Variants in GORASP1 observed in about 807,000 individuals in gnomAD.
GORASP1 encodes Golgi reassembly-stacking protein 1.
GORASP1 carries 31 observed loss-of-function variants against 37.7 expected under a neutral mutation model. The ratio of observed to expected loss-of-function variants is 0.82; its 90% CI spans 0.62 to 1.11. GORASP1 has a LOEUF of 1.11. Ranked by LOEUF, GORASP1 falls within the 50% of genes least tolerant of loss-of-function variation. The pLI is 0.00. For synonymous variants in GORASP1, 204 were observed against 224.8 expected (o/e 0.91, Z 0.83); for missense variants, 476 against 560.7 (o/e 0.85, Z 1.53).
Position 39,107,578 on chromosome 3 carries a change from C to A in GORASP1, c.-37G>T, listed in dbSNP as rs2125720074. 6.7e-7 allele frequency: 1 copy of A among 1,482,688 alleles called. No individual in the cohort carries two copies. The highest frequency in any genetic ancestry group is 1.3e-5 in the South Asian group (1 of 76,222). The allele number at this position is 1,482,688 out of a possible 1,614,324, so 91.8% of individuals were successfully genotyped here. ...CGCTCGGCACCCAGGTCCAGTCCCGCTGCGCCTACCCGGACCGACCCGACG... is the reference window on the plus strand; with the variant it reads ...CGCTCGGCACCCAGGTCCAGTCCCGATGCGCCTACCCGGACCGACCCGACG... On this transcript the variant is annotated 5_prime_UTR_variant, in exon 1 of 9. Transcript: ENST00000319283.
In GORASP1 at chr3:39,100,748, T is replaced by C; in HGVS notation, c.565A>G (p.Ser189Gly). The C allele has an allele frequency of 6.2e-7, 1 of 1,613,628 alleles. No individual in the cohort carries two copies. The highest frequency in any genetic ancestry group is 8.5e-7 in the Non-Finnish European group (1 of 1,179,968). ...TPNAAWGGEG[S>G]LGCGIGYGYL... ...CAGCCCTCCAACCCCACGAAGTACC[T>C]GCCCTCTCCACCCCAGGCTGCGTTG... Residue 189 changes from serine to glycine, a missense_variant and splice_region_variant, in exon 5 of 9, where the codon AGT (serine) becomes GGT (glycine). Ser to Gly is a moderately conservative substitution (Grantham distance 56). Transcript: ENST00000319283. This position sits in a 1 kb window ranked among gnomAD's most constrained non-coding sequence, Gnocchi z 4.6.
At chr3:39,099,646 A>C in intron 6 of GORASP1, 143 bp from the exon 7 acceptor site, 1 of 902,232 alleles carries the variant, frequency 1.1e-6, no homozygotes, top group African/African-American at 1.7e-5. Flanking sequence ...TTAATAAACC[A>C]CCCCTTCTTC....
chr3:39,099,959 T>C (rs975221355), intron 6 of GORASP1, among the ~76,000 whole-genome samples: 10 of 152,220 alleles, frequency 6.6e-5, no homozygotes, highest in African/African-American at 2.4e-4. Context: ...CCCTGCAGAC[T>C]TGGCTAGACA....
intron 3 of GORASP1, 66 bp from the exon 4 acceptor site, chr3:39,101,168 A>AGG: frequency 7.1e-7 from 1 of 1,413,552 alleles, no homozygotes; most frequent in South Asian, 1.2e-5. Flanking sequence ...GGGAAAGGGC[A>AGG]GGGGGAACTG....
At position 39,103,688 on chromosome 3, in the gene GORASP1, A is replaced by C; in HGVS notation, c.64-135T>G. Reference sequence around the variant, plus strand: ...ATGTCTGGCATGAACTGTTCCGGACATTCTCAGGGTTCACTCCATGGCCTC... The same window carrying C: ...ATGTCTGGCATGAACTGTTCCGGACCTTCTCAGGGTTCACTCCATGGCCTC... On this transcript the variant is annotated intron_variant, in intron 1 of 8. Transcript: ENST00000319283. The surrounding 1 kb of genome is among the most constrained non-coding windows in gnomAD (Gnocchi z 5.2). 1 of 601,454 alleles carries C rather than the reference A, an allele frequency of 1.7e-6. No homozygotes were observed. Among genetic ancestry groups the C allele is most frequent in the Non-Finnish European group, 2.8e-6 (1 of 355,002 alleles). The allele number at this position is 601,454 out of a possible 1,614,324, so 37.3% of individuals were successfully genotyped here. A position where few individuals can be genotyped will look rare whatever the true frequency, so the allele number is the denominator to read the frequency against.
chr3:39,107,494 GC>G lies in GORASP1; in HGVS notation c.47del (p.Gly16AlafsTer33). ...GGCAACTCACCCCGTGGAGGTGGAA[GC>G]CCTCGGCGCCGCCTGCGGGCTGCTC... The part of the protein sequence containing the change: ...SAEQPAGGAE[G>X]FHLHGVQENS... On this transcript the variant is annotated frameshift_variant, in exon 1 of 9. Transcript: ENST00000319283. LOFTEE classifies it high-confidence loss of function. 6.9e-7 allele frequency: 1 copy of G among 1,450,860 alleles called. No homozygotes were observed. 89.9% of individuals were successfully genotyped at this position (1,450,860 alleles called of 1,614,324 possible). A position where few individuals can be genotyped will look rare whatever the true frequency, so the allele number is the denominator to read the frequency against.
intron 1 of GORASP1, among the ~76,000 whole-genome samples, chr3:39,106,798 A>G (rs1575471977): frequency 6.6e-6 from 1 of 151,922 alleles, no homozygotes; most frequent in Non-Finnish European, 1.5e-5. Context: ...CGTTCTAGGA[A>G]CCCCACTCCG....
chr3:39,099,552 A>G lies in GORASP1; in HGVS notation c.766-49T>C, dbSNP rs776365622. Reference sequence around the variant, plus strand: ...AGGGGACAATCAGGACAGTGCCTCAAGGTGAAGAATTTTGCAGTCCAACCT... The same window carrying G: ...AGGGGACAATCAGGACAGTGCCTCAGGGTGAAGAATTTTGCAGTCCAACCT... On this transcript the variant is annotated intron_variant, in intron 6 of 8. Transcript: ENST00000319283. The G allele has an allele frequency of 7.6e-6, 12 of 1,577,520 alleles. No individual in the cohort carries two copies. In the Admixed American group the frequency reaches 2.2e-4, roughly 29 times the overall value.
rs2125700353 is a variant in GORASP1, at chr3:39,100,448, TG to T, written c.621del (p.Ser208AlafsTer126). ...GYLHRIPTQP[P>X]SYHKKPPGTP... The stretch of plus-strand genomic sequence containing the variant: ...GTGCCAGGTGGCTTCTTGTGGTAGC[TG>T]GGGGGCTGAGTTGGGATCCGGTGTA... On this transcript the variant is annotated frameshift_variant, in exon 6 of 9. Transcript: ENST00000319283. LOFTEE classifies it high-confidence loss of function. This position sits in a 1 kb window ranked among gnomAD's most constrained non-coding sequence, Gnocchi z 4.6. 1.2e-6 allele frequency: 2 copies of T among 1,608,918 alleles called. No individual in the cohort carries two copies. The highest frequency in any genetic ancestry group is 1.1e-5 in the South Asian group (1 of 90,268).
chr3:39,100,695 A>G lies in GORASP1; in HGVS notation c.566+52T>C. The G allele has an allele frequency of 1.9e-6, 3 of 1,601,628 alleles. No individual in the cohort carries two copies. Among genetic ancestry groups the G allele is most frequent in the East Asian group, 2.2e-5 (1 of 44,818 alleles). ...CATAGAACTCTGAGGTCCATGCCCAATGGTCAGGCCCCACCCACCTGGCCC... is the reference window on the plus strand; with the variant it reads ...CATAGAACTCTGAGGTCCATGCCCAGTGGTCAGGCCCCACCCACCTGGCCC... On this transcript the variant is annotated intron_variant, in intron 5 of 8. Coordinates refer to ENST00000319283, the MANE Select transcript of GORASP1 (RefSeq NM_031899.4). This position sits in a 1 kb window ranked among gnomAD's most constrained non-coding sequence, Gnocchi z 4.6.
chr3:39,107,079 G>T (rs754743811), intron 1 of GORASP1: 2 of 468,770 alleles, frequency 4.3e-6, no homozygotes, highest in South Asian at 3.1e-5. Flanking sequence ...CGGCGTGGCT[G>T]ACTCTCTTCC....
Position 39,103,729 on chromosome 3 carries a change from GC to G in GORASP1, c.64-177del. On this transcript the variant is annotated intron_variant, in intron 1 of 8. Transcript: ENST00000319283. This position sits in a 1 kb window ranked among gnomAD's most constrained non-coding sequence, Gnocchi z 5.2. ...CCATGGCCTCTTGCTACCTTCCTGG[GC>G]ACAAATTTTCCTCTTAGGAAAATGG... 1 of 486,786 alleles carries G rather than the reference GC, an allele frequency of 2.1e-6. No homozygotes were observed. The highest frequency in any genetic ancestry group is 2.0e-5 in the African/African-American group (1 of 50,582). The allele number at this position is 486,786 out of a possible 1,614,324, so 30.2% of individuals were successfully genotyped here. A position where few individuals can be genotyped will look rare whatever the true frequency, so the allele number is the denominator to read the frequency against.
chr3:39,096,652 TTTAG>T lies in GORASP1; in HGVS notation c.*1580_*1583del, dbSNP rs1192751800. ...TTTCACAGTTGTATAGAATAAAGGC[TTTAG>T]TTAAAATATTTCAAAGTGTAGTACA... On this transcript the variant is annotated 3_prime_UTR_variant, in exon 9 of 9. Coordinates refer to ENST00000319283, the MANE Select transcript of GORASP1 (RefSeq NM_031899.4). The T allele has an allele frequency of 6.6e-6, 1 of 152,242 alleles. No individual in the cohort carries two copies. The highest frequency in any genetic ancestry group is 1.5e-5 in the Non-Finnish European group (1 of 68,048). The allele number at this position is 152,242 out of a possible 1,614,324, so 9.4% of individuals were successfully genotyped here. A position where few individuals can be genotyped will look rare whatever the true frequency, so the allele number is the denominator to read the frequency against.
In GORASP1 at chr3:39,103,516, T is replaced by G. The variant is rs753070532; in HGVS notation, c.101A>C (p.Glu34Ala). Residue 34 changes from glutamate (E) to alanine (A), a missense_variant, in exon 2 of 9, where the codon GAG (glutamate) becomes GCG (alanine). Physicochemically the swap from Glu to Ala is moderately radical, Grantham distance 107 (BLOSUM62 -1). Transcript: ENST00000319283. This position sits in a 1 kb window ranked among gnomAD's most constrained non-coding sequence, Gnocchi z 5.2. Reference sequence around the variant, plus strand: ...GGTGATGATGAAGTCAAAGTAGGGCTCCAGGCCCGCCTGCTGGGCTGGGGA... The same window carrying G: ...GGTGATGATGAAGTCAAAGTAGGGCGCCAGGCCCGCCTGCTGGGCTGGGGA... ...ENSPAQQAGL[E>A]PYFDFIITIG... The G allele has an allele frequency of 6.2e-7, 1 of 1,613,550 alleles. No homozygotes were observed. The highest frequency in any genetic ancestry group is 1.1e-5 in the South Asian group (1 of 91,056).
rs575148243 is a variant in GORASP1 at position 39,103,983 on chromosome 3, G to A, written c.64-430C>T. ...CGTGCAGTGGAAGTGGGCAGGCCTC[G>A]GGAGGGATACACCCAGGGCTGTACC... On this transcript the variant is annotated intron_variant, in intron 1 of 8. Transcript: ENST00000319283. This position sits in a 1 kb window ranked among gnomAD's most constrained non-coding sequence, Gnocchi z 5.2. 3.9e-5 allele frequency among the ~76,000 whole-genome samples: 6 copies of A among 152,290 alleles called. No individual in the cohort carries two copies. The East Asian group carries it at 7.7e-4, about 20-fold the overall frequency.
Position 39,100,668 on chromosome 3 carries a change from A to C in GORASP1, c.566+79T>G, listed in dbSNP as rs1428506739. The C allele has an allele frequency of 6.4e-7, 1 of 1,557,926 alleles. No homozygotes were observed. Among genetic ancestry groups the C allele is most frequent in the Admixed American group, 1.8e-5 (1 of 55,068 alleles). On this transcript the variant is annotated intron_variant, in intron 5 of 8. Transcript: ENST00000319283. This position sits in a 1 kb window ranked among gnomAD's most constrained non-coding sequence, Gnocchi z 4.6. ...CAGGGCCCAACCCTCCTCCATCTCC[A>C]CCATAGAACTCTGAGGTCCATGCCC...
intron 1 of GORASP1, among the ~76,000 whole-genome samples, chr3:39,104,456 C>T (rs995440943): frequency 2.0e-5 from 3 of 152,188 alleles, no homozygotes; most frequent in Non-Finnish European, 4.4e-5. Flanking sequence ...GGCCCTAGAC[C>T]CGAAGATGGG....
At position 39,103,644 on chromosome 3, in the gene GORASP1, A is replaced by G. The variant is rs1575463114; in HGVS notation, c.64-91T>C. 1 of 922,278 alleles carries G rather than the reference A, an allele frequency of 1.1e-6. No homozygotes were observed. The highest frequency in any genetic ancestry group is 1.7e-6 in the Non-Finnish European group (1 of 599,068). The allele number at this position is 922,278 out of a possible 1,614,324, so 57.1% of individuals were successfully genotyped here. On this transcript the variant is annotated intron_variant, in intron 1 of 8. Transcript: ENST00000319283. The surrounding 1 kb of genome is among the most constrained non-coding windows in gnomAD (Gnocchi z 5.2). ...CATTTCAGGAACCATCAGCACTCCC[A>G]GTGTGCCAGCCAGAACACATGTCTG...
rs1341252795 is a variant in GORASP1, at chr3:39,103,541, A to C, written c.76T>G (p.Ser26Ala). ...GFHLHGVQEN[S>A]PAQQAGLEPY... ...TCCAGGCCCGCCTGCTGGGCTGGGG[A>C]GTTCTCCTGCACCTATCCCACAGCA... Residue 26 changes from serine to alanine, a missense_variant, in exon 2 of 9, where the codon TCC (serine) becomes GCC (alanine). Physicochemically the swap from Ser to Ala is moderately conservative, Grantham distance 99. Transcript: ENST00000319283. This position sits in a 1 kb window ranked among gnomAD's most constrained non-coding sequence, Gnocchi z 5.2. 6.2e-7 allele frequency: 1 copy of C among 1,612,814 alleles called. No homozygotes were observed. The highest frequency in any genetic ancestry group is 1.3e-5 in the African/African-American group (1 of 74,844).
Sources: gnomAD v4.1 joint callset for allele counts (sites outside exome capture counted in the v4.1 genomes callset) on GRCh38, gnomAD v4.1.1 for gene constraint, Gnocchi (gnomAD v3.1) non-coding constraint, MANE v1.5 for transcripts, NCBI Gene and HGNC (gene_info 2026-07-23, HGNC 2026-07-21) for gene names.